Variants in ATP2C1 observed in about 807,000 individuals in gnomAD.
The protein encoded by ATP2C1 is calcium-transporting ATPase type 2C member 1.
ATP2C1 carries 31 observed loss-of-function variants against 120.5 expected under a neutral mutation model. That is an observed-to-expected ratio of 0.26 (90% CI 0.19 to 0.35). ATP2C1 has a LOEUF of 0.35. ATP2C1 is among the 10% of genes least tolerant of loss of function. The pLI, the probability that ATP2C1 is intolerant of heterozygous loss-of-function variation, is 1.00. For synonymous variants in ATP2C1, 351 were observed against 358.7 expected (o/e 0.98, Z 0.24); for missense variants, 731 against 1,107.5 (o/e 0.66, Z 4.83).
At chr3:130,944,381 C>T (rs1239940324) in intron 8 of ATP2C1, among the ~76,000 whole-genome samples, 2 of 152,316 alleles carry the variant, frequency 1.3e-5, no homozygotes, top group East Asian at 3.9e-4. Context: ...TTATTTTTCA[C>T]AGTTACGGAG....
At chr3:130,916,208 C>G (rs2108191722) in intron 2 of ATP2C1, among the ~76,000 whole-genome samples, 1 of 151,054 alleles carries the variant, frequency 6.6e-6, no homozygotes, top group South Asian at 2.1e-4. Flanking sequence ...GAGTTTGAGA[C>G]CAGCCTGGGC....
At chr3:130,879,376 G>GT (rs1322479740) in intron 1 of ATP2C1, among the ~76,000 whole-genome samples, 1 of 151,604 alleles carries the variant, frequency 6.6e-6, no homozygotes, top group Non-Finnish European at 1.5e-5. Flanking sequence ...TGATATTTCT[G>GT]TTTTTTTCTC....
chr3:130,940,638 T>C lies in ATP2C1; in HGVS notation c.369T>C (p.Arg123=). Residue 123 remains arginine (R), a synonymous_variant, in exon 7 of 28, where the codon CGT becomes CGC. Transcript: ENST00000510168. ...TTTTTTTGTTTGAATAGGAATATCGTTCAGAAAAATCTCTTGAAGAATTGA... is the reference window on the plus strand; with the variant it reads ...TTTTTTTGTTTGAATAGGAATATCGCTCAGAAAAATCTCTTGAAGAATTGA... ...VVTVAFVQEY[R]SEKSLEELSK... 6.2e-7 allele frequency: 1 copy of C among 1,610,066 alleles called. No individual in the cohort carries two copies. The highest frequency in any genetic ancestry group is 8.5e-7 in the Non-Finnish European group (1 of 1,176,652).
At chr3:131,011,208 ATTATAT>A (rs1439581677) in intron 26 of ATP2C1, among the ~76,000 whole-genome samples, 1 of 152,228 alleles carries the variant, frequency 6.6e-6, no homozygotes, top group East Asian at 1.9e-4. Context: ...AAGACCTGTG[ATTATAT>A]TTACAGGATG....
At chr3:130,918,991 TAAAC>T (rs201494306) in intron 2 of ATP2C1, 394 of 416,484 alleles carry the variant, frequency 9.5e-4, no homozygotes, top group African/African-American at 5.2e-3. Context: ...GACTCCGTCT[TAAAC>T]AAACAAACAA....
intron 2 of ATP2C1, among the ~76,000 whole-genome samples, chr3:130,913,249 AAAAT>A (rs1467933984): frequency 1.7e-4 from 26 of 152,112 alleles, no homozygotes; most frequent in African/African-American, 5.3e-4. Flanking sequence ...AGTATAATAA[AAAAT>A]AAATAAATTT....
intron 17 of ATP2C1, 124 bp downstream of exon 17, chr3:130,969,520 A>G: frequency 1.4e-6 from 1 of 729,844 alleles, no homozygotes; most frequent in Non-Finnish European, 2.5e-6. Flanking sequence ...AAGTACATGT[A>G]ATTAATAGTA....
intron 8 of ATP2C1, among the ~76,000 whole-genome samples, chr3:130,947,569 GT>G (rs1449820167): frequency 2.0e-5 from 3 of 152,080 alleles, no homozygotes; most frequent in African/African-American, 7.2e-5. Context: ...TTAATGTAAT[GT>G]TTTTAGGTAC....
chr3:130,976,266 GT>G (rs1210650200), intron 18 of ATP2C1, among the ~76,000 whole-genome samples: 3 of 152,110 alleles, frequency 2.0e-5, no homozygotes, highest in Non-Finnish European at 4.4e-5. Context: ...CTTTTTTTGA[GT>G]TTTAAACATT....
At chr3:130,955,178 A>T (rs218494) in intron 10 of ATP2C1, 98 bp downstream of exon 10, 1 of 833,300 alleles carries the variant, frequency 1.2e-6, no homozygotes. Flanking sequence ...ATTGAGAGCA[A>T]TATTTTATTC....
chr3:130,978,248 G>A (rs2061611527), intron 18 of ATP2C1, among the ~76,000 whole-genome samples: 1 of 152,040 alleles, frequency 6.6e-6, no homozygotes, highest in Non-Finnish European at 1.5e-5. Context: ...TCTTACTTTG[G>A]AAAAATAGAA....
rs562676124 is a variant in ATP2C1 at position 130,946,551 on chromosome 3, A to G, written c.531+4852A>G. Reference sequence around the variant, plus strand: ...TTATGTTCCTATCTGTGAGGCTCACATTCTTGCCCAGTCTGTTGTTAAGAC... The same window carrying G: ...TTATGTTCCTATCTGTGAGGCTCACGTTCTTGCCCAGTCTGTTGTTAAGAC... On this transcript the variant is annotated intron_variant, in intron 8 of 27. Coordinates refer to ENST00000510168, the MANE Select transcript of ATP2C1 (RefSeq NM_001378687.1). Among the ~76,000 whole-genome samples, 19 of 152,332 alleles carry G rather than the reference A, an allele frequency of 1.2e-4. 1 individual carries two copies. In the South Asian group the frequency reaches 3.9e-3, roughly 32 times the overall value.
chr3:130,909,274 A>G (rs2108087665), intron 2 of ATP2C1, among the ~76,000 whole-genome samples: 1 of 152,314 alleles, frequency 6.6e-6, no homozygotes, highest in Admixed American at 6.5e-5. Flanking sequence ...TTCCCACCCC[A>G]TATAGAAATG....
chr3:130,885,647 C>A lies in ATP2C1; in HGVS notation c.108+34719C>A, dbSNP rs192723768. Among the ~76,000 whole-genome samples, 400 of 152,096 alleles carry A rather than the reference C, an allele frequency of 2.6e-3. 1 individual carries two copies. The highest frequency in any genetic ancestry group is 4.2e-3 in the Non-Finnish European group (288 of 67,976). On this transcript the variant is annotated intron_variant, in intron 1 of 26. Coordinates refer to the ATP2C1 transcript ENST00000504381. ...TAGAAACTCTACACTTTAACTTTGTCCCCCTGCTTTTTAACGTCTTGTTTC... is the reference window on the plus strand; with the variant it reads ...TAGAAACTCTACACTTTAACTTTGTACCCCTGCTTTTTAACGTCTTGTTTC...
intron 20 of ATP2C1, among the ~76,000 whole-genome samples, chr3:130,990,901 G>C (rs2062304317): frequency 6.6e-6 from 1 of 152,194 alleles, no homozygotes; most frequent in Non-Finnish European, 1.5e-5. Context: ...TTCACTAACA[G>C]AGGATAGGAA....
rs1004998967 is a variant in ATP2C1 at position 130,860,258 on chromosome 3, T to C, written c.108+9330T>C. ...CTTTTGTTCAGAATGAAAGATGACATATTTTTGCACCTTGTACAGACAGTC... is the reference window on the plus strand; with the variant it reads ...CTTTTGTTCAGAATGAAAGATGACACATTTTTGCACCTTGTACAGACAGTC... On this transcript the variant is annotated intron_variant, in intron 1 of 26. Coordinates refer to the ATP2C1 transcript ENST00000504381. Among the ~76,000 whole-genome samples, 12 of 152,228 alleles carry C rather than the reference T, an allele frequency of 7.9e-5. No individual in the cohort carries two copies. The South Asian group carries it at 8.3e-4, about 10-fold the overall frequency.
At chr3:130,983,177 G>T (rs2061846759) in intron 20 of ATP2C1, among the ~76,000 whole-genome samples, 1 of 152,074 alleles carries the variant, frequency 6.6e-6, no homozygotes, top group Non-Finnish European at 1.5e-5. Context: ...TACTGTAAAT[G>T]TTCCTTTAAG....
intron 18 of ATP2C1, among the ~76,000 whole-genome samples, chr3:130,978,970 A>G (rs1257138252): frequency 1.3e-5 from 2 of 152,222 alleles, no homozygotes; most frequent in Admixed American, 1.3e-4. Context: ...GCATGTGATT[A>G]CTATGTGAAA....
In ATP2C1 at chr3:130,975,425, A is replaced by G. The variant is rs1324781298; in HGVS notation, c.1507A>G (p.Thr503Ala). Residue 503 changes from threonine (T) to alanine (A), a missense_variant, in exon 18 of 28, where the codon ACT becomes GCT. Thr to Ala is a moderately conservative substitution (Grantham distance 58, BLOSUM62 0). Coordinates refer to ENST00000510168, the MANE Select transcript of ATP2C1 (RefSeq NM_001378687.1). ...GAGCAAAGGGCAGACCTTGACACTT[A>G]CTCAGCAGCAGAGAGATGTGTACCA... ...YQSKGQTLTL[T>A]QQQRDVYQQE... 6.2e-7 allele frequency: 1 copy of G among 1,613,802 alleles called. No homozygotes were observed. The highest frequency in any genetic ancestry group is 8.5e-7 in the Non-Finnish European group (1 of 1,179,890).
Sources: allele counts gnomAD v4.1 joint callset (sites outside exome capture counted in the v4.1 genomes callset), GRCh38; gene constraint gnomAD v4.1.1; transcripts MANE v1.5; gene names NCBI Gene and HGNC (gene_info 2026-07-23, HGNC 2026-07-21).